TMX3: variants seen among roughly 807,000 people sequenced by gnomAD.
TMX3 encodes protein disulfide-isomerase TMX3.
Under a neutral mutation model 64.4 loss-of-function variants are expected in TMX3, and 40 were observed. The observed-to-expected ratio is 0.62, with a 90% CI of 0.48 to 0.81. The LOEUF is 0.81. Among genes scored for constraint, TMX3 ranks in the 30% least tolerant of loss-of-function variants. TMX3 has a pLI of 0.00. For missense variants in TMX3, 497 were observed against 534.5 expected (o/e 0.93, Z 0.69); for synonymous variants, 189 against 175.7 (o/e 1.08, Z -0.60).
intron 3 of TMX3, 51 bp downstream of exon 3, chr18:68,711,313 T>C: frequency 7.1e-7 from 1 of 1,412,834 alleles, no homozygotes; most frequent in Non-Finnish European, 9.7e-7. Flanking sequence ...TAGAAAATAA[T>C]ACTTAAAATG....
Position 68,700,489 on chromosome 18 carries a change from T to TAA in TMX3, c.312-6_312-5dup, listed in dbSNP as rs368921366. 1,818 of 1,162,152 alleles carry TAA rather than the reference T, an allele frequency of 1.6e-3. No homozygotes were observed. Among genetic ancestry groups the TAA allele is most frequent in the South Asian group, 1.9e-3 (110 of 56,852 alleles). The allele number at this position is 1,162,152 out of a possible 1,614,324, so 72.0% of individuals were successfully genotyped here. A position where few individuals can be genotyped will look rare whatever the true frequency, so the allele number is the denominator to read the frequency against. ...ATATGCCAAGTCCCCTTTTAATCTT[T>TAA]AAAAAAAAAAAAAAATTAAAACCTG... On this transcript the variant is annotated splice_region_variant and splice_polypyrimidine_tract_variant and intron_variant, in intron 5 of 15. Transcript: ENST00000299608.
intron 1 of TMX3, chr18:68,714,416 G>A (rs1235862334): frequency 2.5e-5 from 4 of 159,758 alleles, no homozygotes; most frequent in Non-Finnish European, 4.1e-5. Context: ...ACCCCAGTGA[G>A]AATGAGGGCA....
intron 8 of TMX3, among the ~76,000 whole-genome samples, chr18:68,695,101 T>C (rs1228185719): frequency 2.0e-5 from 3 of 152,116 alleles, no homozygotes; most frequent in African/African-American, 7.2e-5. Context: ...ACTTTCTTAC[T>C]TGCCATCAGT....
intron 8 of TMX3, among the ~76,000 whole-genome samples, chr18:68,693,836 A>C (rs1914784192): frequency 6.6e-6 from 1 of 152,254 alleles, no homozygotes; most frequent in South Asian, 2.1e-4. Context: ...GCCTGGAGTA[A>C]GAACTTCACT....
In TMX3 at chr18:68,677,022, T is replaced by C; in HGVS notation, c.1276A>G (p.Ser426Gly). The C allele has an allele frequency of 6.2e-7, 1 of 1,613,834 alleles. No homozygotes were observed. Among genetic ancestry groups the C allele is most frequent in the Non-Finnish European group, 8.5e-7 (1 of 1,179,812 alleles). ...ENENQEQIEE[S>G]KEQQEPSSGG... ...CTGCTGGGCTCCTGCTGTTCTTTGC[T>C]CTCTTCTATCTGTTCTTGGTTTTCA... Residue 426 changes from serine to glycine, a missense_variant, in exon 16 of 16, where the codon AGC (serine) becomes GGC (glycine). By Grantham distance (56) the Ser-to-Gly change is moderately conservative (BLOSUM62 0). Around this residue, in one of 3 missense-constraint regions of TMX3, gnomAD observed 94 missense variants for 75.8 expected, o/e 1.24. Coordinates refer to ENST00000299608, the MANE Select transcript of TMX3 (RefSeq NM_019022.5).
intron 1 of TMX3, among the ~76,000 whole-genome samples, 194 bp downstream of exon 1, chr18:68,714,742 G>T (rs748025833): frequency 1.3e-5 from 2 of 152,238 alleles, no homozygotes; most frequent in Non-Finnish European, 2.9e-5. Flanking sequence ...AGCGGCGGCG[G>T]AAGGACCCCA....
chr18:68,697,328 G>T, intron 7 of TMX3, 25 bp from the exon 8 acceptor site: 1 of 1,417,922 alleles, frequency 7.1e-7, no homozygotes, highest in Non-Finnish European at 9.6e-7. Flanking sequence ...ACAGAAAAAA[G>T]ATCATTGAAA....
intron 10 of TMX3, among the ~76,000 whole-genome samples, chr18:68,685,144 T>C (rs1399968303): frequency 2.0e-5 from 3 of 152,190 alleles, no homozygotes; most frequent in Non-Finnish European, 4.4e-5. Flanking sequence ...TATCATGTTC[T>C]AGGCACCATA....
intron 4 of TMX3, among the ~76,000 whole-genome samples, chr18:68,709,551 C>T (rs1014156010): frequency 6.6e-6 from 1 of 152,148 alleles, no homozygotes; most frequent in African/African-American, 2.4e-5. Flanking sequence ...TTCTCTAGTA[C>T]ACACTCATTA....
At chr18:68,709,863 G>A (rs1208902186) in intron 4 of TMX3, among the ~76,000 whole-genome samples, 158 bp downstream of exon 4, 1 of 135,468 alleles carries the variant, frequency 7.4e-6, no homozygotes, top group Non-Finnish European at 1.5e-5. Flanking sequence ...CATGTTCAAT[G>A]GCTAATTCAT....
intron 6 of TMX3, among the ~76,000 whole-genome samples, chr18:68,698,971 G>C (rs375151): frequency 6.7e-6 from 1 of 150,196 alleles, no homozygotes; most frequent in African/African-American, 2.5e-5. Context: ...GCAGTGAGCC[G>C]AGACAGCGCC....
At chr18:68,710,809 G>A (rs2145144585) in intron 3 of TMX3, among the ~76,000 whole-genome samples, 1 of 152,266 alleles carries the variant, frequency 6.6e-6, no homozygotes, top group South Asian at 2.1e-4. Flanking sequence ...CAGAAAAGGA[G>A]AAATAATTAA....
chr18:68,701,875 A>AG, intron 4 of TMX3, 85 bp from the exon 5 acceptor site: 1 of 1,112,240 alleles, frequency 9.0e-7, no homozygotes, highest in South Asian at 1.4e-5. Flanking sequence ...CTTTAAAAAT[A>AG]GAGATATTTA....
intron 14 of TMX3, 40 bp downstream of exon 14, chr18:68,680,941 C>T (rs888203436): frequency 2.6e-6 from 4 of 1,524,478 alleles, no homozygotes; most frequent in East Asian, 2.4e-5. Flanking sequence ...TCCTCTACCC[C>T]CTGTCCATCA....
At chr18:68,694,550 C>T (rs577531181) in intron 8 of TMX3, among the ~76,000 whole-genome samples, 4 of 152,224 alleles carry the variant, frequency 2.6e-5, no homozygotes, top group Non-Finnish European at 1.5e-5. Flanking sequence ...GGATCTGGGC[C>T]GGTAGCATGA....
intron 9 of TMX3, among the ~76,000 whole-genome samples, chr18:68,689,459 A>G (rs1368268038): frequency 1.3e-5 from 2 of 152,050 alleles, no homozygotes; most frequent in African/African-American, 4.8e-5. Flanking sequence ...ATAGTGGAAT[A>G]AGAACATGAG....
At chr18:68,687,006 T>C in intron 10 of TMX3, 1 of 983,370 alleles carries the variant, frequency 1.0e-6, no homozygotes, top group African/African-American at 1.7e-5. Flanking sequence ...GAATAAAATG[T>C]TCTCATTGTT....
intron 4 of TMX3, 96 bp downstream of exon 4, chr18:68,709,925 T>C (rs1028003318): frequency 1.8e-5 from 22 of 1,214,494 alleles, no homozygotes; most frequent in Admixed American, 1.4e-4. Flanking sequence ...GAATTTTACA[T>C]GAGCAAAAAA....
At chr18:68,695,485 A>G (rs1218176311) in intron 8 of TMX3, among the ~76,000 whole-genome samples, 1 of 152,178 alleles carries the variant, frequency 6.6e-6, no homozygotes, top group Non-Finnish European at 1.5e-5. Flanking sequence ...GCTGAATCAA[A>G]TTAAAATGAA....
Sources: gnomAD v4.1 joint callset for allele counts (sites outside exome capture counted in the v4.1 genomes callset) on GRCh38, gnomAD v4.1.1 for gene constraint, gnomAD v4.1.1 regional missense constraint, MANE v1.5 for transcripts, NCBI Gene and HGNC (gene_info 2026-07-23, HGNC 2026-07-21) for gene names.